The following ARL1 variants were observed in gnomAD, a reference collection of about 807,000 sequenced individuals.
ARL1 encodes ARF like GTPase 1.
In ARL1, 17 loss-of-function variants were observed where a neutral mutation model predicts 30.1. That is an observed-to-expected ratio of 0.56 (90% CI 0.39 to 0.85). The LOEUF (loss-of-function observed/expected upper bound fraction) is 0.85. Among genes scored for constraint, ARL1 ranks in the 40% least tolerant of loss-of-function variants. The pLI is 0.00. For missense variants in ARL1, 102 were observed against 212.6 expected, an observed-to-expected ratio of 0.48 and a Z score of 3.24; for synonymous variants, 58 against 71.7, an observed-to-expected ratio of 0.81 and a Z score of 0.97.
intron 1 of ARL1, among the ~76,000 whole-genome samples, chr12:101,406,575 A>AT (rs1439240510): frequency 6.6e-6 from 1 of 152,248 alleles, no homozygotes; most frequent in Non-Finnish European, 1.5e-5. Flanking sequence ...ATTGTGTAGG[A>AT]TAAAAAGCAC....
rs545560746 is a variant in ARL1 at position 101,404,051 on chromosome 12, T to C, written c.143-1105A>G. On this transcript the variant is annotated intron_variant, in intron 2 of 5. Transcript: ENST00000261636. ...AAGTCTGCAGTGGTAAGTGATACCTTTGAGTATTTGGCAAGTATGTCTATT... is the reference window on the plus strand; with the variant it reads ...AAGTCTGCAGTGGTAAGTGATACCTCTGAGTATTTGGCAAGTATGTCTATT... 2.2e-3 allele frequency among the ~76,000 whole-genome samples: 333 copies of C among 152,292 alleles called. 1 individual carries two copies. Among genetic ancestry groups the C allele is most frequent in the African/African-American group, 7.4e-3 (309 of 41,538 alleles).
At chr12:101,399,509 T>TAAAAAAAAAAAAAAAAAA (rs200979843) in intron 4 of ARL1, among the ~76,000 whole-genome samples, 1 of 110,546 alleles carries the variant, frequency 9.0e-6, no homozygotes, top group Non-Finnish European at 1.7e-5. Flanking sequence ...AGACTCTGTC[T>TAAAAAAAAAAAAAAAAAA]AAAAAAAAAA....
chr12:101,402,472 C>CCCG (rs1871331935), intron 3 of ARL1, among the ~76,000 whole-genome samples: 2 of 152,214 alleles, frequency 1.3e-5, no homozygotes, highest in South Asian at 4.1e-4. Flanking sequence ...CAGGCGTGAG[C>CCCG]TACCATGCCC....
At chr12:101,407,526 C>T in intron 1 of ARL1, 116 bp downstream of exon 1, 1 of 1,400,130 alleles carries the variant, frequency 7.1e-7, no homozygotes, top group Non-Finnish European at 9.8e-7. Flanking sequence ...CGCGACCCGC[C>T]CCCTGAGGAG....
chr12:101,396,475 C>T lies in ARL1; in HGVS notation c.439G>A (p.Ala147Thr). The change falls in exon 5 of 6, where the codon GCC becomes ACC. Residue 147 changes from alanine (A) to threonine (T), a missense_variant. Transcript: ENST00000261636. ...ATCTGCCATTTTCGGTCCTTCAAGG[C>T]AGGTAACCCAAGTGAATTTGCCATC... ...SEMANSLGLPALKDRKWQIFK... is the reference protein window; with the variant it reads ...SEMANSLGLPTLKDRKWQIFK... 6.2e-7 allele frequency: 1 copy of T among 1,614,026 alleles called. No homozygotes were observed. The highest frequency in any genetic ancestry group is 8.5e-7 in the Non-Finnish European group (1 of 1,179,902).
At position 101,400,162 on chromosome 12, in the gene ARL1, A is replaced by C. The variant is rs147692823; in HGVS notation, c.336+900T>G. 4.9e-3 allele frequency: 752 copies of C among 151,972 alleles called. 5 individuals are homozygous for C. Among genetic ancestry groups the C allele is most frequent in the South Asian group, 0.014 (67 of 4,804 alleles). 9.4% of individuals were successfully genotyped at this position (151,972 alleles called of 1,614,324 possible). A position where few individuals can be genotyped will look rare whatever the true frequency, so the allele number is the denominator to read the frequency against. ...ACAGGCTGGTCTCAAACTCCTGATG[A>C]TCTCTGGTGACCTGCCCGCCTCGGC... On this transcript the variant is annotated intron_variant, in intron 4 of 5. Coordinates refer to ENST00000261636, the MANE Select transcript of ARL1 (RefSeq NM_001177.6).
chr12:101,405,982 C>G lies in ARL1; in HGVS notation c.5-1G>C. 1 of 1,553,160 alleles carries G rather than the reference C, an allele frequency of 6.4e-7. No individual in the cohort carries two copies. Among genetic ancestry groups the G allele is most frequent in the Non-Finnish European group, 8.7e-7 (1 of 1,150,042 alleles). On this transcript the variant is annotated splice_acceptor_variant, in intron 1 of 5. Coordinates refer to ENST00000261636, the MANE Select transcript of ARL1 (RefSeq NM_001177.6). LOFTEE classifies it high-confidence loss of function. ...GAAAATATACTTGAGAAAAAGCCAC[C>G]TAAAAAATAATAAAAGAAAAAACAT...
chr12:101,396,809 T>C (rs1419109940), intron 4 of ARL1, among the ~76,000 whole-genome samples: 1 of 152,182 alleles, frequency 6.6e-6, no homozygotes, highest in Non-Finnish European at 1.5e-5. Flanking sequence ...TACTTTGTTT[T>C]GCAGATACTT....
chr12:101,393,262 T>TA lies in ARL1; in HGVS notation c.*2377dup, dbSNP rs1409046775. 2 of 152,020 alleles carry TA rather than the reference T, an allele frequency of 1.3e-5. No individual in the cohort carries two copies. The highest frequency in any genetic ancestry group is 2.9e-5 in the Non-Finnish European group (2 of 68,024). The allele number at this position is 152,020 out of a possible 1,614,324, so 9.4% of individuals were successfully genotyped here. On this transcript the variant is annotated 3_prime_UTR_variant, in exon 6 of 6. Coordinates refer to ENST00000261636, the MANE Select transcript of ARL1 (RefSeq NM_001177.6). Reference sequence around the variant, plus strand: ...CCTCAGAGCTTACATTTCAACAGTTTAAAGTGCATCTCAGGTATTTCAGAT... The same window carrying TA: ...CCTCAGAGCTTACATTTCAACAGTTTAAAAGTGCATCTCAGGTATTTCAGAT...
At chr12:101,406,754 G>C (rs1261191285) in intron 1 of ARL1, among the ~76,000 whole-genome samples, 1 of 152,198 alleles carries the variant, frequency 6.6e-6, no homozygotes, top group African/African-American at 2.4e-5. Context: ...AGAGAACCTT[G>C]GGAAAGTTCA....
chr12:101,405,572 A>G (rs767901948), intron 2 of ARL1: 25 of 198,328 alleles, frequency 1.3e-4, no homozygotes, highest in Non-Finnish European at 2.2e-4. Context: ...TGTTATGTTC[A>G]TACTAGCAGT....
chr12:101,397,496 CTTT>C (rs1227558491), intron 4 of ARL1, among the ~76,000 whole-genome samples: 1 of 145,032 alleles, frequency 6.9e-6, no homozygotes, highest in African/African-American at 2.5e-5. Flanking sequence ...GACCCTGTCT[CTTT>C]TTTTTTTTTC....
chr12:101,400,427 GAAAC>G (rs1425086490), intron 4 of ARL1: 2 of 151,468 alleles, frequency 1.3e-5, no homozygotes, highest in Non-Finnish European at 2.9e-5. Flanking sequence ...AGAAAAAAAA[GAAAC>G]AATATCGGTA....
chr12:101,406,032 G>A, intron 1 of ARL1, 51 bp from the exon 2 acceptor site: 2 of 1,438,110 alleles, frequency 1.4e-6, no homozygotes, highest in Non-Finnish European at 1.9e-6. Context: ...TGTGAACTAG[G>A]TATACAAAAC....
At chr12:101,397,519 G>A (rs1871183440) in intron 4 of ARL1, among the ~76,000 whole-genome samples, 1 of 149,188 alleles carries the variant, frequency 6.7e-6, no homozygotes, top group Non-Finnish European at 1.5e-5. Context: ...CTTTTTTTAA[G>A]ACAGTGTCTC....
At chr12:101,400,498 G>C (rs1342409268) in intron 4 of ARL1, 2 of 152,328 alleles carry the variant, frequency 1.3e-5, no homozygotes, top group Non-Finnish European at 2.9e-5. Context: ...TTCTGGGGAA[G>C]AGATGTGGGA....
intron 2 of ARL1, 93 bp from the exon 3 acceptor site, chr12:101,403,039 C>A: frequency 1.5e-6 from 1 of 664,858 alleles, no homozygotes. Context: ...TTAATGGTAA[C>A]TGTTATTAGA....
At chr12:101,397,509 CTTTT>C (rs1398125844) in intron 4 of ARL1, among the ~76,000 whole-genome samples, 1 of 142,954 alleles carries the variant, frequency 7.0e-6, no homozygotes, top group East Asian at 2.2e-4. Flanking sequence ...TTTTTTTTTT[CTTTT>C]TTTAAGACAG....
intron 4 of ARL1, among the ~76,000 whole-genome samples, chr12:101,398,575 G>A (rs564859378): frequency 1.3e-5 from 2 of 151,772 alleles, no homozygotes; most frequent in South Asian, 2.1e-4. Context: ...TCAGCCTCCC[G>A]TGTAGCTGGG....
Sources: gnomAD v4.1 joint callset for allele counts (sites outside exome capture counted in the v4.1 genomes callset) on GRCh38, gnomAD v4.1.1 for gene constraint, MANE v1.5 for transcripts, NCBI Gene and HGNC (gene_info 2026-07-23, HGNC 2026-07-21) for gene names.